Variants in ABTB2 observed in about 807,000 individuals in gnomAD.
ABTB2 encodes the protein ankyrin repeat and BTB domain containing 2.
A neutral mutation model predicts 104.1 loss-of-function variants in ABTB2; 56 were observed. That is an observed-to-expected ratio of 0.54 (90% confidence interval 0.43 to 0.67). ABTB2 has a LOEUF of 0.67. Among genes scored for constraint, ABTB2 ranks in the 30% least tolerant of loss-of-function variants. ABTB2 has a pLI of 0.00. For synonymous variants in ABTB2, 606 were observed against 608.2 expected (o/e 1.00, Z 0.05); for missense variants, 1,279 against 1,407.7 (o/e 0.91, Z 1.46).
chr11:34,330,362 T>C (rs1160741719), intron 1 of ABTB2, among the ~76,000 whole-genome samples: 2 of 152,198 alleles, frequency 1.3e-5, no homozygotes, highest in Non-Finnish European at 2.9e-5. Flanking sequence ...TTTCCTTCTT[T>C]GTAAAATGGG....
rs1852552496 is a variant in ABTB2, at chr11:34,152,255, G to C, written c.*132C>G. The C allele has an allele frequency of 4.0e-6, 4 of 996,470 alleles. No homozygotes were observed. The Admixed American group carries it at 7.4e-5, about 18-fold the overall frequency. The allele number at this position is 996,470 out of a possible 1,614,324, so 61.7% of individuals were successfully genotyped here. On this transcript the variant is annotated 3_prime_UTR_variant, in exon 17 of 17. Coordinates refer to ENST00000435224, the MANE Select transcript of ABTB2 (RefSeq NM_145804.3). ...GATGAGGGTGAGCTGCCCGGTGACA[G>C]GGGGGACATCTGGGGGAGGAGGAGG... is the stretch of plus-strand genomic sequence containing the variant.
At chr11:34,231,656 C>T (rs923494853) in intron 1 of ABTB2, among the ~76,000 whole-genome samples, 15 of 152,272 alleles carry the variant, frequency 9.9e-5, no homozygotes, top group Admixed American at 7.8e-4. Context: ...CTGCAAACTC[C>T]GCCTCCTGGG....
At chr11:34,354,481 G>C (rs1198481033) in intron 1 of ABTB2, among the ~76,000 whole-genome samples, 4 of 150,750 alleles carry the variant, frequency 2.7e-5, no homozygotes, top group African/African-American at 9.8e-5. Context: ...AAAAGGTGGT[G>C]GTGGAGCTGG....
intron 1 of ABTB2, among the ~76,000 whole-genome samples, chr11:34,282,806 A>G (rs752380660): frequency 2.4e-4 from 37 of 152,236 alleles, no homozygotes; most frequent in Admixed American, 3.9e-4. Context: ...TGCTGGGACT[A>G]CAAGCATGAG....
At chr11:34,340,015 A>G (rs1418590249) in intron 1 of ABTB2, among the ~76,000 whole-genome samples, 1 of 151,704 alleles carries the variant, frequency 6.6e-6, no homozygotes, top group Non-Finnish European at 1.5e-5. Context: ...TGATAACTGC[A>G]CAGTATGCTT....
At chr11:34,247,432 T>C (rs1853999626) in intron 1 of ABTB2, among the ~76,000 whole-genome samples, 1 of 152,254 alleles carries the variant, frequency 6.6e-6, no homozygotes, top group Admixed American at 6.5e-5. Context: ...TTACATGAGA[T>C]ATTCAACACT....
chr11:34,298,018 C>A (rs1854645796), intron 1 of ABTB2, among the ~76,000 whole-genome samples: 1 of 151,734 alleles, frequency 6.6e-6, no homozygotes, highest in South Asian at 2.1e-4. Context: ...CCTCACTTGA[C>A]AACTGAACAA....
At chr11:34,352,857 G>T (rs1475371634) in intron 1 of ABTB2, among the ~76,000 whole-genome samples, 3 of 152,102 alleles carry the variant, frequency 2.0e-5, no homozygotes. Flanking sequence ...GGAGTTTAAG[G>T]CCAGCCTGGG....
At chr11:34,333,898 T>C (rs959037293) in intron 1 of ABTB2, among the ~76,000 whole-genome samples, 13 of 151,896 alleles carry the variant, frequency 8.6e-5, no homozygotes, top group African/African-American at 3.1e-4. Context: ...AATTCAAGAT[T>C]CAGAGGCAGG....
At position 34,280,329 on chromosome 11, in the gene ABTB2, C is replaced by A. The variant is rs559089404; in HGVS notation, c.884-75639G>T. On this transcript the variant is annotated intron_variant, in intron 1 of 16. Coordinates refer to ENST00000435224, the MANE Select transcript of ABTB2 (RefSeq NM_145804.3). ...GCTGACCCAGGTTCCCAGGCCATGG[C>A]TCTGCTACCAGCCTGCTGGGCTGAT... is the stretch of plus-strand genomic sequence containing the variant. 9.9e-5 allele frequency among the ~76,000 whole-genome samples: 15 copies of A among 152,200 alleles called. No individual in the cohort carries two copies. The East Asian group carries it at 1.5e-3, about 16-fold the overall frequency.
chr11:34,241,680 C>T (rs1314417174), intron 1 of ABTB2, among the ~76,000 whole-genome samples: 1 of 152,112 alleles, frequency 6.6e-6, no homozygotes, highest in Non-Finnish European at 1.5e-5. Flanking sequence ...TCGCTTGAGC[C>T]CAGGAAATCA....
chr11:34,342,239 C>A (rs538064825), intron 1 of ABTB2, among the ~76,000 whole-genome samples: 4 of 152,208 alleles, frequency 2.6e-5, no homozygotes, highest in Non-Finnish European at 5.9e-5. Context: ...TCTTTAAACA[C>A]GCAGAGAAAC....
At chr11:34,215,521 G>A (rs773077028) in intron 1 of ABTB2, among the ~76,000 whole-genome samples, 3 of 152,118 alleles carry the variant, frequency 2.0e-5, no homozygotes, top group Non-Finnish European at 2.9e-5. Flanking sequence ...AATCAGCTTC[G>A]GTTCCAATTC....
chr11:34,159,006 C>G (rs1590201409), intron 14 of ABTB2, among the ~76,000 whole-genome samples: 1 of 152,336 alleles, frequency 6.6e-6, no homozygotes. Context: ...AGGACTCACA[C>G]CCCAGCTGTG....
chr11:34,247,650 G>C (rs1854001980), intron 1 of ABTB2, among the ~76,000 whole-genome samples: 1 of 152,192 alleles, frequency 6.6e-6, no homozygotes, highest in African/African-American at 2.4e-5. Flanking sequence ...TACATGTATT[G>C]AGGAGTCAAG....
At chr11:34,270,326 T>C (rs1854298602) in intron 1 of ABTB2, among the ~76,000 whole-genome samples, 1 of 151,126 alleles carries the variant, frequency 6.6e-6, no homozygotes, top group Admixed American at 6.6e-5. Flanking sequence ...TGTTCACCAC[T>C]GTAGACGGTT....
At chr11:34,224,913 T>C (rs1049126962) in intron 1 of ABTB2, among the ~76,000 whole-genome samples, 11 of 152,190 alleles carry the variant, frequency 7.2e-5, no homozygotes. Flanking sequence ...ATATTTTTCT[T>C]CACACTTCCT....
At chr11:34,152,749 T>C (rs2473929) in intron 16 of ABTB2, among the ~76,000 whole-genome samples, 165 bp from the exon 17 acceptor site, 130,071 of 152,074 alleles carry the variant, frequency 0.86, 56,298 homozygotes, top group East Asian at 1. Context: ...CTGCTATATC[T>C]GAACTGTTCA....
intron 1 of ABTB2, among the ~76,000 whole-genome samples, chr11:34,234,723 G>A (rs144225021): frequency 4.4e-4 from 67 of 152,244 alleles, no homozygotes; most frequent in Non-Finnish European, 7.8e-4. Flanking sequence ...TGCCTATTGC[G>A]ACTCCCAGCT....
Sources: allele counts gnomAD v4.1 joint callset (sites outside exome capture counted in the v4.1 genomes callset), GRCh38; gene constraint gnomAD v4.1.1; transcripts MANE v1.5; gene names NCBI Gene and HGNC (gene_info 2026-07-23, HGNC 2026-07-21).